PHF21A: variants seen among roughly 807,000 people sequenced by gnomAD.
The protein encoded by PHF21A is BHC80a.
Under a neutral mutation model 82.5 loss-of-function variants are expected in PHF21A, and 11 were observed. The observed-to-expected ratio is 0.13, with a 90% CI of 0.08 to 0.22. PHF21A has a LOEUF of 0.22. PHF21A is among the 10% of genes least tolerant of loss of function. The pLI, the probability that PHF21A is intolerant of heterozygous loss-of-function variation, is 1.00. For missense variants in PHF21A, 579 were observed against 837.8 expected (o/e 0.69, Z 3.81); for synonymous variants, 297 against 302.8 (o/e 0.98, Z 0.20).
At chr11:46,047,202 T>G (rs1057197793) in intron 6 of PHF21A, among the ~76,000 whole-genome samples, 9 of 152,178 alleles carry the variant, frequency 5.9e-5, no homozygotes, top group Non-Finnish European at 1.2e-4. Context: ...TTGATACCAG[T>G]TCCCTATGTA....
intron 6 of PHF21A, among the ~76,000 whole-genome samples, chr11:45,983,922 A>G (rs914018501): frequency 6.6e-6 from 1 of 152,108 alleles, no homozygotes; most frequent in East Asian, 1.9e-4. Context: ...AGATGAGCCT[A>G]TATTTTTACT....
At chr11:46,029,749 T>C (rs1191641909) in intron 6 of PHF21A, among the ~76,000 whole-genome samples, 2 of 152,074 alleles carry the variant, frequency 1.3e-5, no homozygotes, top group South Asian at 2.1e-4. Flanking sequence ...ATAAATTTCA[T>C]GTCATTTCCA....
intron 6 of PHF21A, among the ~76,000 whole-genome samples, chr11:46,030,567 A>C (rs976259179): frequency 6.6e-6 from 1 of 152,212 alleles, no homozygotes; most frequent in Non-Finnish European, 1.5e-5. Context: ...CTGTTCTCTG[A>C]ATGTTACTAA....
intron 9 of PHF21A, among the ~76,000 whole-genome samples, chr11:45,967,060 T>C (rs1264342086): frequency 6.6e-6 from 1 of 152,128 alleles, no homozygotes; most frequent in Non-Finnish European, 1.5e-5. Context: ...CAGGCAACAC[T>C]GCTTATGATA....
At chr11:46,105,555 C>A (rs560867839) in intron 1 of PHF21A, among the ~76,000 whole-genome samples, 4 of 152,208 alleles carry the variant, frequency 2.6e-5, no homozygotes, top group African/African-American at 9.6e-5. Context: ...GAATGTCACT[C>A]TGAAAATATC....
intron 8 of PHF21A, chr11:45,970,363 C>G: frequency 6.0e-6 from 1 of 165,426 alleles, no homozygotes; most frequent in Non-Finnish European, 1.3e-5. Context: ...TCTAAGGATT[C>G]CTGGATAAGC....
intron 6 of PHF21A, among the ~76,000 whole-genome samples, chr11:46,042,554 C>A (rs937505070): frequency 6.6e-6 from 1 of 152,064 alleles, no homozygotes; most frequent in Non-Finnish European, 1.5e-5. Context: ...AAACAAGCAA[C>A]CTGAACTCTC....
At chr11:46,023,957 AAAAC>A (rs1179268801) in intron 6 of PHF21A, among the ~76,000 whole-genome samples, 7 of 152,218 alleles carry the variant, frequency 4.6e-5, no homozygotes, top group African/African-American at 7.2e-5. Flanking sequence ...CACCATCTCG[AAAAC>A]AAACAAACAA....
intron 6 of PHF21A, among the ~76,000 whole-genome samples, chr11:46,044,764 C>G (rs1203360555): frequency 6.6e-6 from 1 of 152,190 alleles, no homozygotes; most frequent in African/African-American, 2.4e-5. Flanking sequence ...TGACTTCCTT[C>G]TACAAGATAA....
At chr11:46,039,391 C>T (rs929400261) in intron 6 of PHF21A, among the ~76,000 whole-genome samples, 4 of 152,058 alleles carry the variant, frequency 2.6e-5, no homozygotes, top group Non-Finnish European at 5.9e-5. Flanking sequence ...TCAATATATG[C>T]GTGGCTGTAA....
In PHF21A at chr11:45,933,490, T is replaced by C. The variant is rs114235380; in HGVS notation, c.*478A>G. The C allele has an allele frequency of 6.6e-3, 1,012 of 153,650 alleles. 10 individuals are homozygous for C. Among genetic ancestry groups the C allele is most frequent in the African/African-American group, 0.023 (968 of 41,568 alleles). The allele number at this position is 153,650 out of a possible 1,614,324, so 9.5% of individuals were successfully genotyped here. On this transcript the variant is annotated 3_prime_UTR_variant, in exon 19 of 19. Coordinates refer to ENST00000676320, the MANE Select transcript of PHF21A (RefSeq NM_001352027.3). ...ATCTCAATTCCTTTTTTTGGTTTTA[T>C]AGTAGCGAAAGTTTAGAAACAGGAA...
At chr11:46,076,091 T>C (rs1057298275) in intron 6 of PHF21A, among the ~76,000 whole-genome samples, 4 of 152,200 alleles carry the variant, frequency 2.6e-5, no homozygotes, top group Admixed American at 1.3e-4. Context: ...TATAGCTCTA[T>C]CAATTGCCAC....
chr11:46,023,762 C>T (rs1206958124), intron 6 of PHF21A, among the ~76,000 whole-genome samples: 1 of 152,126 alleles, frequency 6.6e-6, no homozygotes, highest in African/African-American at 2.4e-5. Flanking sequence ...TTGAGACCAG[C>T]CTCGCCAACA....
At chr11:46,071,490 T>A (rs550750805) in intron 6 of PHF21A, among the ~76,000 whole-genome samples, 11 of 152,318 alleles carry the variant, frequency 7.2e-5, no homozygotes, top group Non-Finnish European at 1.3e-4. Flanking sequence ...TATTAAAGTG[T>A]AAGTTACTTC....
chr11:45,945,983 C>T lies in PHF21A; in HGVS notation c.1309G>A (p.Ala437Thr). 1 of 1,613,686 alleles carries T rather than the reference C, an allele frequency of 6.2e-7. No homozygotes were observed. The highest frequency in any genetic ancestry group is 1.1e-5 in the South Asian group (1 of 91,068). The change falls in exon 15 of 19, where the codon GCA (alanine) becomes ACA (threonine). Residue 437 changes from alanine (A) to threonine (T), a missense_variant. Ala to Thr is a moderately conservative substitution (Grantham distance 58, BLOSUM62 0). This residue lies in a region of PHF21A where 410 missense variants were observed against 642.1 expected (regional missense o/e 0.64). Transcript: ENST00000676320. ...RKRGRPPKYN[A>T]VLGFGALTPT... ...GTAAGGGCTCCAAACCCCAGCACTG[C>T]ATTGTATTTTGGAGGACGACCTATA...
intron 6 of PHF21A, among the ~76,000 whole-genome samples, chr11:45,985,932 C>A (rs2094474929): frequency 6.6e-6 from 1 of 152,074 alleles, no homozygotes; most frequent in Non-Finnish European, 1.5e-5. Context: ...ACAGCAGCAA[C>A]TGTAATTATC....
chr11:46,102,597 C>T (rs954923817), intron 1 of PHF21A, among the ~76,000 whole-genome samples: 1 of 152,150 alleles, frequency 6.6e-6, no homozygotes, highest in Non-Finnish European at 1.5e-5. Context: ...TAAATTAATG[C>T]TTATTTTAGT....
chr11:45,949,027 G>T, intron 13 of PHF21A, 81 bp from the exon 14 acceptor site: 1 of 1,078,976 alleles, frequency 9.3e-7, no homozygotes, highest in Non-Finnish European at 1.4e-6. Context: ...GACCAAGCAT[G>T]GCATGACTGT....
At chr11:46,055,313 T>C (rs2096436721) in intron 6 of PHF21A, among the ~76,000 whole-genome samples, 1 of 152,178 alleles carries the variant, frequency 6.6e-6, no homozygotes, top group Non-Finnish European at 1.5e-5. Context: ...TTAAAACTCA[T>C]TGGTTTAATA....
Sources: gnomAD v4.1 joint callset for allele counts (sites outside exome capture counted in the v4.1 genomes callset) on GRCh38, gnomAD v4.1.1 for gene constraint, gnomAD v4.1.1 regional missense constraint, MANE v1.5 for transcripts, NCBI Gene and HGNC (gene_info 2026-07-23, HGNC 2026-07-21) for gene names.